GDF10: variants seen among roughly 807,000 people sequenced by gnomAD.
GDF10 encodes growth differentiation factor 10.
A neutral mutation model predicts 32.1 loss-of-function variants in GDF10; 23 were observed. The ratio of observed to expected loss-of-function variants is 0.72; its 90% CI spans 0.52 to 1.02. The LOEUF (loss-of-function observed/expected upper bound fraction) is 1.02, where lower values mean the gene tolerates loss of function less well. Among genes scored for constraint, GDF10 ranks in the 50% least tolerant of loss-of-function variants. The pLI, the probability that GDF10 is intolerant of heterozygous loss-of-function variation, is 0.00. For missense variants in GDF10, 764 were observed against 673.9 expected, an observed-to-expected ratio of 1.13 and a Z score of -1.48; for synonymous variants, 328 against 303.1, an observed-to-expected ratio of 1.08 and a Z score of -0.85.
chr10:47,309,779 C>G lies in GDF10; in HGVS notation c.320-17C>G, dbSNP rs782537770. Reference sequence around the variant, plus strand: ...GAGCGAGAACTTCACAGCCTGTGGTCTCTCCTTCCCTCACAGAAGTGGTCG... The same window carrying G: ...GAGCGAGAACTTCACAGCCTGTGGTGTCTCCTTCCCTCACAGAAGTGGTCG... On this transcript the variant is annotated splice_polypyrimidine_tract_variant and intron_variant, in intron 1 of 2. Coordinates refer to ENST00000580279, the MANE Select transcript of GDF10 (RefSeq NM_004962.5). 12 of 1,567,244 alleles carry G rather than the reference C, an allele frequency of 7.7e-6. No homozygotes were observed. Among genetic ancestry groups the G allele is most frequent in the Non-Finnish European group, 9.6e-6 (11 of 1,142,628 alleles).
At chr10:47,302,084 TAACTCC>T (rs1392011013) in intron 1 of GDF10, among the ~76,000 whole-genome samples, 7 of 152,254 alleles carry the variant, frequency 4.6e-5, no homozygotes, top group Admixed American at 1.3e-4. Context: ...CAATTGGATC[TAACTCC>T]ATCCTCACTC....
intron 2 of GDF10, 49 bp from the exon 3 acceptor site, chr10:47,312,552 G>A (rs1565749955): frequency 8.0e-7 from 1 of 1,251,878 alleles, no homozygotes; most frequent in Non-Finnish European, 1.1e-6. Context: ...GGGTGCGTGG[G>A]TGGGTGAGGG....
chr10:47,305,138 G>T (rs2125068), intron 1 of GDF10, among the ~76,000 whole-genome samples: 95,493 of 151,882 alleles, frequency 0.63, 33,034 homozygotes, highest in Non-Finnish European at 0.76. Context: ...GAGTTCTCAG[G>T]CTCCTGCTGG....
chr10:47,309,848 C>T lies in GDF10; in HGVS notation c.372C>T (p.Asp124=), dbSNP rs370165330. The change falls in exon 2 of 3, where the codon GAC becomes GAT. Residue 124 remains aspartate, a synonymous_variant. Coordinates refer to ENST00000580279, the MANE Select transcript of GDF10 (RefSeq NM_004962.5). ...TCTTCAACCTGACTTCCATGCAAGA[C>T]TCGGAAATGATCCTTACGGCCACTT... is the stretch of plus-strand genomic sequence containing the variant. ...VYFFNLTSMQ[D]SEMILTATFH... is the part of the protein sequence containing the mutation. The T allele has an allele frequency of 9.9e-5, 159 of 1,613,016 alleles. No individual in the cohort carries two copies. The highest frequency in any genetic ancestry group is 4.0e-4 in the Admixed American group (24 of 60,030).
At position 47,309,891 on chromosome 10, in the gene GDF10, C is replaced by A; in HGVS notation, c.415C>A (p.Pro139Thr). ...GGCCACTTTCCACTTCTACTCAGAG[C>A]CGCCTCGGTGGCCTCGAGCGCTCGA... ...LTATFHFYSE[P>T]PRWPRALEVL... Residue 139 changes from proline (P) to threonine (T), a missense_variant, in exon 2 of 3, where the codon CCG (proline) becomes ACG (threonine). Transcript: ENST00000580279. The A allele has an allele frequency of 6.2e-7, 1 of 1,613,018 alleles. No homozygotes were observed. Among genetic ancestry groups the A allele is most frequent in the South Asian group, 1.1e-5 (1 of 91,032 alleles).
In GDF10 at chr10:47,310,563, C is replaced by T; in HGVS notation, c.1087C>T (p.Gln363Ter). Residue 363 changes from glutamine to a stop codon, truncating the protein, a stop_gained, in exon 2 of 3, where the codon CAG (glutamine) becomes TAG (stop). Transcript: ENST00000580279. LOFTEE classifies it high-confidence loss of function. ...GCTGGACTTTGACGAGAAGACGATGCAGAAAGCCCGGAGGAAGCAGTGGGA... is the reference window on the plus strand; with the variant it reads ...GCTGGACTTTGACGAGAAGACGATGTAGAAAGCCCGGAGGAAGCAGTGGGA... ...QVLDFDEKTM[Q>*]KARRKQWDEP... 1.9e-6 allele frequency: 3 copies of T among 1,614,218 alleles called. No individual in the cohort carries two copies. Among genetic ancestry groups the T allele is most frequent in the Non-Finnish European group, 2.5e-6 (3 of 1,180,030 alleles).
At chr10:47,303,819 A>G (rs553815073) in intron 1 of GDF10, among the ~76,000 whole-genome samples, 4 of 152,216 alleles carry the variant, frequency 2.6e-5, no homozygotes, top group Non-Finnish European at 5.9e-5. Flanking sequence ...ATAATACTAC[A>G]TACTCACCTG....
Position 47,310,092 on chromosome 10 carries a change from A to G in GDF10, c.616A>G (p.Ile206Val), listed in dbSNP as rs782478230. 1 of 1,608,378 alleles carries G rather than the reference A, an allele frequency of 6.2e-7. No homozygotes were observed. ...PPRGLWQAKDISPIVKAARRD... is the reference protein window; with the variant it reads ...PPRGLWQAKDVSPIVKAARRD... ...GCGCGGCCTGTGGCAGGCCAAGGAC[A>G]TCTCCCCCATCGTCAAGGCGGCCCG... The change falls in exon 2 of 3, where the codon ATC becomes GTC. Residue 206 changes from isoleucine (I) to valine (V), a missense_variant. By Grantham distance (29) the Ile-to-Val change is conservative. Coordinates refer to ENST00000580279, the MANE Select transcript of GDF10 (RefSeq NM_004962.5).
In GDF10 at chr10:47,309,776, G is replaced by C. The variant is rs782287772; in HGVS notation, c.320-20G>C. The stretch of plus-strand genomic sequence containing the variant: ...CACGAGCGAGAACTTCACAGCCTGT[G>C]GTCTCTCCTTCCCTCACAGAAGTGG... On this transcript the variant is annotated intron_variant, in intron 1 of 2. Coordinates refer to ENST00000580279, the MANE Select transcript of GDF10 (RefSeq NM_004962.5). 3.7e-5 allele frequency: 57 copies of C among 1,556,046 alleles called. No homozygotes were observed. The South Asian group carries it at 5.9e-4, about 16-fold the overall frequency.
intron 1 of GDF10, among the ~76,000 whole-genome samples, chr10:47,305,433 C>T (rs1222050133): frequency 1.3e-5 from 2 of 152,234 alleles, no homozygotes; most frequent in Admixed American, 6.5e-5. Context: ...CGTTGAACCT[C>T]AACCCTAGAG....
chr10:47,310,713 A>T lies in GDF10; in HGVS notation c.1237A>T (p.Met413Leu). The change falls in exon 2 of 3, where the codon ATG becomes TTG. Residue 413 changes from methionine (M) to leucine (L), a missense_variant. By Grantham distance (15) the Met-to-Leu change is conservative (BLOSUM62 2). Coordinates refer to ENST00000580279, the MANE Select transcript of GDF10 (RefSeq NM_004962.5). Reference sequence around the variant, plus strand: ...CTGCGCGGGAGCATGTGAGTTCCCCATGCCTAAGGTAGGGTTTCTTCCGCC... The same window carrying T: ...CTGCGCGGGAGCATGTGAGTTCCCCTTGCCTAAGGTAGGGTTTCTTCCGCC... ...YYCAGACEFP[M>L]PKIVRPSNHA... 1 of 1,608,508 alleles carries T rather than the reference A, an allele frequency of 6.2e-7. No homozygotes were observed. The highest frequency in any genetic ancestry group is 2.2e-5 in the East Asian group (1 of 44,826).
Position 47,310,498 on chromosome 10 carries a change from G to A in GDF10, c.1022G>A (p.Arg341Lys), listed in dbSNP as rs2061041739. 9 of 1,613,852 alleles carry A rather than the reference G, an allele frequency of 5.6e-6. No individual in the cohort carries two copies. Among genetic ancestry groups the A allele is most frequent in the African/African-American group, 1.3e-5 (1 of 75,052 alleles). Residue 341 changes from arginine (R) to lysine (K), a missense_variant, in exon 2 of 3, where the codon AGG (arginine) becomes AAG (lysine). By Grantham distance (26) the Arg-to-Lys change is conservative. Coordinates refer to ENST00000580279, the MANE Select transcript of GDF10 (RefSeq NM_004962.5). The part of the protein sequence containing the change: ...LKPRPGRKDR[R>K]KKGQEVFMAA... ...CCCCGGCCAGGGCGCAAAGACCGCA[G>A]GAAGAAGGGCCAGGAGGTGTTCATG...
intron 1 of GDF10, among the ~76,000 whole-genome samples, chr10:47,303,352 G>A (rs937794715): frequency 5.9e-5 from 9 of 152,200 alleles, no homozygotes; most frequent in Non-Finnish European, 7.3e-5. Context: ...CCCCGCCACC[G>A]GGCAGTGCAG....
intron 1 of GDF10, among the ~76,000 whole-genome samples, chr10:47,301,848 A>G (rs558344567): frequency 1.3e-3 from 198 of 152,346 alleles, no homozygotes; most frequent in Middle Eastern, 0.01. Flanking sequence ...GCCATTCAAC[A>G]GGAGAAAAAT....
At position 47,310,333 on chromosome 10, in the gene GDF10, C is replaced by T. The variant is rs782669311; in HGVS notation, c.857C>T (p.Pro286Leu). Residue 286 changes from proline (P) to leucine (L), a missense_variant, in exon 2 of 3, where the codon CCC (proline) becomes CTC (leucine). Coordinates refer to ENST00000580279, the MANE Select transcript of GDF10 (RefSeq NM_004962.5). ...GCAGCCCCCAACAACTCAGCGGACCCCCGCGTGCGCCGAGCCGCGCAGGCC... is the reference window on the plus strand; with the variant it reads ...GCAGCCCCCAACAACTCAGCGGACCTCCGCGTGCGCCGAGCCGCGCAGGCC... ...PRAAPNNSAD[P>L]RVRRAAQATG... 4 of 1,605,532 alleles carry T rather than the reference C, an allele frequency of 2.5e-6. No individual in the cohort carries two copies.
intron 1 of GDF10, among the ~76,000 whole-genome samples, chr10:47,309,421 TC>T (rs1334494012): frequency 2.0e-5 from 3 of 152,164 alleles, no homozygotes; most frequent in Non-Finnish European, 2.9e-5. Context: ...AATGAAGGTG[TC>T]AGTGACATTT....
rs1555207620 is a variant in GDF10, at chr10:47,310,463, G to C, written c.987G>C (p.Arg329=). ...HKHQLWPSPF[R]ALKPRPGRKD... is the part of the protein sequence containing the mutation. ...ACCAGCTGTGGCCCAGCCCCTTCCG[G>C]GCGCTGAAACCCCGGCCAGGGCGCA... The change falls in exon 2 of 3, where the codon CGG becomes CGC. Residue 329 remains arginine, a synonymous_variant. Coordinates refer to ENST00000580279, the MANE Select transcript of GDF10 (RefSeq NM_004962.5). 15 of 1,613,674 alleles carry C rather than the reference G, an allele frequency of 9.3e-6. No homozygotes were observed. The South Asian group carries it at 1.5e-4, about 17-fold the overall frequency.
intron 2 of GDF10, 30 bp downstream of exon 2, chr10:47,310,751 C>G (rs782122449): frequency 6.7e-7 from 1 of 1,496,240 alleles, no homozygotes; most frequent in African/African-American, 1.4e-5. Flanking sequence ...TTGCCAAATT[C>G]TAAGGCTCAG....
rs1555206760 is a variant in GDF10 at position 47,300,765 on chromosome 10, C to T, written c.114C>T (p.Pro38=). ...LRDVAGSHRA[P]AWSALPAAAD... The stretch of plus-strand genomic sequence containing the variant: ...ATGTGGCCGGCAGCCACAGGGCCCC[C>T]GCCTGGTCCGCACTGCCCGCGGCCG... Residue 38 remains proline, a synonymous_variant, in exon 1 of 3, where the codon CCC becomes CCT. Coordinates refer to ENST00000580279, the MANE Select transcript of GDF10 (RefSeq NM_004962.5). 1 of 1,570,202 alleles carries T rather than the reference C, an allele frequency of 6.4e-7. No individual in the cohort carries two copies. The highest frequency in any genetic ancestry group is 8.6e-7 in the Non-Finnish European group (1 of 1,162,590).
Sources: allele counts gnomAD v4.1 joint callset (sites outside exome capture counted in the v4.1 genomes callset), GRCh38; gene constraint gnomAD v4.1.1; transcripts MANE v1.5; gene names NCBI Gene and HGNC (gene_info 2026-07-23, HGNC 2026-07-21).